Variants in COL4A6 observed in about 807,000 individuals in gnomAD.
The protein encoded by COL4A6 is collagen alpha-6(IV) chain.
Under a neutral mutation model 126.7 loss-of-function variants are expected in COL4A6, and 59 were observed. The ratio of observed to expected loss-of-function variants is 0.47; its 90% CI spans 0.38 to 0.58. COL4A6 has a LOEUF of 0.58. Ranked by LOEUF, COL4A6 falls within the 20% of genes least tolerant of loss-of-function variation. The pLI is 0.00. For synonymous variants in COL4A6, 547 were observed against 496.6 expected (o/e 1.10, Z -1.35); for missense variants, 1,285 against 1,337.3 (o/e 0.96, Z 0.61).
chrX:108,415,592 A>AAT (rs763060770), intron 2 of COL4A6, among the ~76,000 whole-genome samples: 1 of 112,098 alleles, frequency 8.9e-6, no homozygotes, highest in Non-Finnish European at 1.9e-5. Flanking sequence ...CAATTCAGAT[A>AAT]ATATATATAA....
At chrX:108,170,084 T>G in intron 35 of COL4A6, 68 bp from the exon 36 acceptor site, 1 of 932,084 alleles carries the variant, frequency 1.1e-6, no homozygotes, top group Non-Finnish European at 1.5e-6. Flanking sequence ...AAGAGGTAGC[T>G]ACCTGCCCCC....
At chrX:108,395,605 G>A (rs1441895776) in intron 2 of COL4A6, among the ~76,000 whole-genome samples, 2 of 111,959 alleles carry the variant, frequency 1.8e-5, no homozygotes, top group South Asian at 3.7e-4. Context: ...TTAAGCAGGA[G>A]AATCAACTTC....
intron 9 of COL4A6, among the ~76,000 whole-genome samples, chrX:108,206,119 G>C (rs2035537681): frequency 9.0e-6 from 1 of 111,540 alleles, no homozygotes; most frequent in Non-Finnish European, 1.9e-5. Flanking sequence ...GGTAGGTAGA[G>C]CTGCCCAAGA....
chrX:108,382,153 C>T (rs1325845687), intron 2 of COL4A6, among the ~76,000 whole-genome samples: 3 of 111,730 alleles, frequency 2.7e-5, no homozygotes, highest in African/African-American at 9.8e-5. Flanking sequence ...AGTCTGCTCA[C>T]ATCTTGTCTT....
At chrX:108,401,728 A>C (rs183124865) in intron 2 of COL4A6, among the ~76,000 whole-genome samples, 1 of 111,309 alleles carries the variant, frequency 9.0e-6, no homozygotes, top group African/African-American at 3.2e-5. Flanking sequence ...TTACATGTTA[A>C]CAGGGAGTAA....
chrX:108,189,857 C>T (rs1425860206), intron 20 of COL4A6, among the ~76,000 whole-genome samples: 2 of 112,295 alleles, frequency 1.8e-5, no homozygotes, highest in Non-Finnish European at 3.8e-5. Context: ...TCAGTAGTTT[C>T]ACTTCTTCCT....
In COL4A6 at chrX:108,205,714, T is replaced by C. The variant is rs1763744666; in HGVS notation, c.610-19A>G. ...GAGGACCCTAGATTTTTTTTAAAAA[T>C]AAGAAAGAGTTAGCACTTGTTAGTT... On this transcript the variant is annotated intron_variant, in intron 9 of 44. Transcript: ENST00000334504. 1 of 1,187,355 alleles carries C rather than the reference T, an allele frequency of 8.4e-7. No individual in the cohort carries two copies. Among genetic ancestry groups the C allele is most frequent in the Admixed American group, 2.2e-5 (1 of 44,893 alleles).
Position 108,157,151 on chromosome X carries a change from G to A in COL4A6, c.4922C>T (p.Thr1641Ile). 2 of 1,212,047 alleles carry A rather than the reference G, an allele frequency of 1.7e-6. No individual in the cohort carries two copies. Among genetic ancestry groups the A allele is most frequent in the Non-Finnish European group, 2.2e-6 (2 of 895,578 alleles). ...GTACTTGTTTGCAAAGTAGTGGCAG[G>A]TGCCTCGGGCACCACTGCATTCGAT... ...PFIECSGARG[T>I]CHYFANKYSF... Residue 1641 changes from threonine (T) to isoleucine (I), a missense_variant, in exon 45 of 45, where the codon ACC (threonine) becomes ATC (isoleucine). Coordinates refer to ENST00000334504, the MANE Select transcript of COL4A6 (RefSeq NM_033641.4).
chrX:108,384,087 C>A (rs1444069894), intron 2 of COL4A6: 3 of 320,368 alleles, frequency 9.4e-6, no homozygotes, highest in Non-Finnish European at 1.1e-5. Context: ...ACCTACCCAC[C>A]TACTCATCCA....
Position 108,362,080 on chromosome X carries a change from T to A in COL4A6, c.64-51252A>T, listed in dbSNP as rs184190058. Among the ~76,000 whole-genome samples the A allele has an allele frequency of 9.8e-3, 1,034 of 105,975 alleles. 5 individuals carry two copies. The highest frequency in any genetic ancestry group is 0.044 in the East Asian group (143 of 3,261). 92.0% of individuals were successfully genotyped at this position (105,975 alleles called of 115,157 possible). A position where few individuals can be genotyped will look rare whatever the true frequency, so the allele number is the denominator to read the frequency against. ...TTGTGTGTGTGTGTGTGTGTGTGTG[T>A]GAGAGAGAGAAAGAGAGAGAGAGAC... On this transcript the variant is annotated intron_variant, in intron 2 of 44. Coordinates refer to ENST00000334504, the MANE Select transcript of COL4A6 (RefSeq NM_033641.4).
At chrX:108,173,619 T>C (rs1174262951) in intron 31 of COL4A6, among the ~76,000 whole-genome samples, 1 of 112,213 alleles carries the variant, frequency 8.9e-6, no homozygotes, top group Admixed American at 9.4e-5. Context: ...ATACATCTGC[T>C]ATTTATGCAG....
intron 2 of COL4A6, among the ~76,000 whole-genome samples, chrX:108,390,424 G>A (rs1250905571): frequency 1.3e-4 from 14 of 109,305 alleles, no homozygotes; most frequent in Admixed American, 4.0e-4. Flanking sequence ...GGCTTCATTC[G>A]TTTCTTTTCA....
At chrX:108,397,090 T>C (rs917877174) in intron 2 of COL4A6, among the ~76,000 whole-genome samples, 8 of 111,922 alleles carry the variant, frequency 7.1e-5, no homozygotes, top group African/African-American at 2.6e-4. Context: ...ACACAGTAGA[T>C]TGGGACTCTT....
intron 3 of COL4A6, among the ~76,000 whole-genome samples, chrX:108,262,680 G>A (rs1397256832): frequency 2.7e-5 from 3 of 111,191 alleles, no homozygotes; most frequent in African/African-American, 9.8e-5. Context: ...TAAACATACA[G>A]GCAAAGCTTC....
intron 2 of COL4A6, among the ~76,000 whole-genome samples, chrX:108,324,503 A>G (rs758457958): frequency 7.0e-4 from 79 of 112,127 alleles, no homozygotes; most frequent in Non-Finnish European, 1.3e-3. Context: ...CATAGGGAGC[A>G]TGTGAGGAAT....
At chrX:108,182,839 T>A (rs1014939245) in intron 23 of COL4A6, among the ~76,000 whole-genome samples, 9 of 112,751 alleles carry the variant, frequency 8.0e-5, no homozygotes, top group African/African-American at 2.6e-4. Context: ...GGTCCAACTA[T>A]TAAGCCATTC....
chrX:108,230,626 C>T (rs1232802015), intron 3 of COL4A6, among the ~76,000 whole-genome samples: 2 of 111,997 alleles, frequency 1.8e-5, no homozygotes, highest in Non-Finnish European at 3.8e-5. Flanking sequence ...ATAATAACAC[C>T]CCCATGAGTA....
At chrX:108,399,069 A>T (rs754965146) in intron 2 of COL4A6, among the ~76,000 whole-genome samples, 2 of 111,267 alleles carry the variant, frequency 1.8e-5, no homozygotes, top group Non-Finnish European at 3.8e-5. Context: ...GGGAGGCATT[A>T]TATCTATTTT....
Position 108,172,346 on chromosome X carries a change from C to T in COL4A6, c.3202+123G>A, listed in dbSNP as rs188232078. The T allele has an allele frequency of 3.0e-3, 1,194 of 401,435 alleles. 24 individuals are homozygous for T. In the African/African-American group the frequency reaches 0.039, roughly 13 times the overall value. 33.1% of individuals were successfully genotyped at this position (401,435 alleles called of 1,213,427 possible). A position where few individuals can be genotyped will look rare whatever the true frequency, so the allele number is the denominator to read the frequency against. On this transcript the variant is annotated intron_variant, in intron 32 of 44. Coordinates refer to ENST00000334504, the MANE Select transcript of COL4A6 (RefSeq NM_033641.4). The stretch of plus-strand genomic sequence containing the variant: ...GCCTAGGTGACACTAGGTGACAGAG[C>T]GAGACTCTGCCTAAAAAAGAAAAAA...
Sources: allele counts gnomAD v4.1 joint callset (sites outside exome capture counted in the v4.1 genomes callset), GRCh38; gene constraint gnomAD v4.1.1; transcripts MANE v1.5; gene names NCBI Gene and HGNC (gene_info 2026-07-23, HGNC 2026-07-21).